Variants in RIC8B observed in about 807,000 individuals in gnomAD.
The protein encoded by RIC8B is chaperone Ric-8B.
A neutral mutation model predicts 57.5 loss-of-function variants in RIC8B; 16 were observed. That is an observed-to-expected ratio of 0.28 (90% CI 0.19 to 0.42). The LOEUF (loss-of-function observed/expected upper bound fraction) is 0.42, where lower values mean the gene tolerates loss of function less well. Among genes scored for constraint, RIC8B ranks in the 10% least tolerant of loss-of-function variants. The probability of loss-of-function intolerance (pLI) is 1.00; values close to 1 mark genes in which losing one functional copy is unlikely to be tolerated. For synonymous variants in RIC8B, 216 were observed against 250.8 expected (o/e 0.86, Z 1.31); for missense variants, 481 against 677.0 (o/e 0.71, Z 3.21).
At position 106,814,967 on chromosome 12, in the gene RIC8B, G is replaced by T; in HGVS notation, c.404G>T (p.Ser135Ile). Reference protein sequence around the residue: ...VFNSQMAQQLSLELNLAAKLC... With the variant: ...VFNSQMAQQLILELNLAAKLC... ...AACAGTCAGATGGCACAGCAGCTCA[G>T]CCTGGAACTTAATCTTGCTGCAAAG... Residue 135 changes from serine (S) to isoleucine (I), a missense_variant, in exon 3 of 10, where the codon AGC becomes ATC. By Grantham distance (142) the Ser-to-Ile change is moderately radical. Transcript: ENST00000392837. 1 of 1,614,214 alleles carries T rather than the reference G, an allele frequency of 6.2e-7. No individual in the cohort carries two copies. The highest frequency in any genetic ancestry group is 1.3e-5 in the African/African-American group (1 of 75,058).
At chr12:106,774,895 G>A (rs1179844637) in intron 1 of RIC8B, 66 bp downstream of exon 1, 1 of 1,201,994 alleles carries the variant, frequency 8.3e-7, no homozygotes, top group Non-Finnish European at 1.2e-6. Context: ...CTTGCACATC[G>A]CATCCTTCCC....
rs1338563513 is a variant in RIC8B at position 106,867,027 on chromosome 12, TTGAA to T, written c.1452-3790_1452-3787del. Among the ~76,000 whole-genome samples the T allele has an allele frequency of 6.6e-6, 1 of 152,196 alleles. No homozygotes were observed. Among genetic ancestry groups the T allele is most frequent in the Non-Finnish European group, 1.5e-5 (1 of 68,032 alleles). The stretch of plus-strand genomic sequence containing the variant: ...GAGTTCCTTTTTTAACCACAATGCT[TTGAA>T]TGAATTTAAGCCACACATTGTAGAT... On this transcript the variant is annotated intron_variant, in intron 8 of 9. Coordinates refer to ENST00000392837, the MANE Select transcript of RIC8B (RefSeq NM_001330145.2). The surrounding 1 kb of genome is among the most constrained non-coding windows in gnomAD (Gnocchi z 4.3).
intron 2 of RIC8B, among the ~76,000 whole-genome samples, chr12:106,805,691 A>G (rs1447170187): frequency 6.6e-6 from 1 of 152,172 alleles, no homozygotes; most frequent in Non-Finnish European, 1.5e-5. Context: ...ATCTAATGTC[A>G]TTATCCTGCT....
intron 4 of RIC8B, among the ~76,000 whole-genome samples, chr12:106,830,107 AG>A (rs2046293324): frequency 6.6e-6 from 1 of 152,216 alleles, no homozygotes; most frequent in South Asian, 2.1e-4. Context: ...GAAATGAGTA[AG>A]TGTGAGTTCT....
chr12:106,839,024 C>T (rs1047377389), intron 4 of RIC8B, among the ~76,000 whole-genome samples: 2 of 149,212 alleles, frequency 1.3e-5, no homozygotes, highest in Non-Finnish European at 3.0e-5. Flanking sequence ...AAAAGATAAT[C>T]GATGGTAAGG....
chr12:106,824,839 G>A (rs111385757), intron 3 of RIC8B, among the ~76,000 whole-genome samples: 19 of 150,634 alleles, frequency 1.3e-4, no homozygotes, highest in East Asian at 2.0e-4. Context: ...CCTGGAAGGC[G>A]GAGGTTGCGG....
intron 7 of RIC8B, among the ~76,000 whole-genome samples, chr12:106,856,235 T>C (rs967580773): frequency 6.6e-6 from 1 of 152,210 alleles, no homozygotes; most frequent in African/African-American, 2.4e-5. Flanking sequence ...TTTTCTTCAG[T>C]TTCTCTTCCA....
chr12:106,807,956 G>A (rs899662362), intron 2 of RIC8B, among the ~76,000 whole-genome samples: 14 of 151,882 alleles, frequency 9.2e-5, no homozygotes, highest in Admixed American at 9.2e-4. Flanking sequence ...GTGGTGGCAC[G>A]TGTCTGTAAT....
At chr12:106,822,077 C>CAAAAAAAA (rs67378158) in intron 3 of RIC8B, among the ~76,000 whole-genome samples, 9 of 38,040 alleles carry the variant, frequency 2.4e-4, no homozygotes, top group East Asian at 1.5e-3. Context: ...GACTCCATCT[C>CAAAAAAAA]AAAAAAAAAA....
chr12:106,813,732 TATATTG>T (rs1228586824), intron 2 of RIC8B, among the ~76,000 whole-genome samples: 1 of 152,178 alleles, frequency 6.6e-6, no homozygotes, highest in Non-Finnish European at 1.5e-5. Flanking sequence ...TGTAAAATCT[TATATTG>T]GTAATAGTAG....
At chr12:106,877,230 A>G (rs1239886137) in intron 9 of RIC8B, among the ~76,000 whole-genome samples, 1 of 152,182 alleles carries the variant, frequency 6.6e-6, no homozygotes, top group Non-Finnish European at 1.5e-5. Context: ...TGTGAATTAA[A>G]TAGCGTCAGG....
At chr12:106,788,499 C>T (rs548113801) in intron 2 of RIC8B, among the ~76,000 whole-genome samples, 20 of 152,336 alleles carry the variant, frequency 1.3e-4, no homozygotes, top group Admixed American at 3.9e-4. Context: ...ATGAGGGCCC[C>T]GCCCCTGCAG....
chr12:106,833,036 C>T lies in RIC8B; in HGVS notation c.836+7216C>T, dbSNP rs1566105223. Among the ~76,000 whole-genome samples, 6 of 152,072 alleles carry T rather than the reference C, an allele frequency of 3.9e-5. No individual in the cohort carries two copies. In the South Asian group the frequency reaches 1.2e-3, roughly 31 times the overall value. ...AAATCTTTTATCGGATCTTTGTCAC[C>T]TCAGAGATATGACCCTGTTTCTTCC... is the stretch of plus-strand genomic sequence containing the variant. On this transcript the variant is annotated intron_variant, in intron 4 of 9. Coordinates refer to ENST00000392837, the MANE Select transcript of RIC8B (RefSeq NM_001330145.2).
At chr12:106,881,701 A>C (rs2136670980) in intron 9 of RIC8B, among the ~76,000 whole-genome samples, 1 of 152,292 alleles carries the variant, frequency 6.6e-6, no homozygotes, top group African/African-American at 2.4e-5. Context: ...GAGACAGTCC[A>C]ATATAACCAG....
rs1354067783 is a variant in RIC8B at position 106,867,640 on chromosome 12, CTAT to C, written c.1452-3178_1452-3176del. Among the ~76,000 whole-genome samples, 11 of 152,090 alleles carry C rather than the reference CTAT, an allele frequency of 7.2e-5. No homozygotes were observed. Among genetic ancestry groups the C allele is most frequent in the African/African-American group, 2.2e-4 (9 of 41,408 alleles). The stretch of plus-strand genomic sequence containing the variant: ...TCTCACGTCTTTGTTGTCACAATGG[CTAT>C]TATTTGTTTTCTCTTCCTTTCTGGG... On this transcript the variant is annotated intron_variant, in intron 8 of 9. Coordinates refer to ENST00000392837, the MANE Select transcript of RIC8B (RefSeq NM_001330145.2). The surrounding 1 kb of genome is among the most constrained non-coding windows in gnomAD (Gnocchi z 4.3).
intron 3 of RIC8B, among the ~76,000 whole-genome samples, chr12:106,824,855 C>T (rs111480160): frequency 0.026 from 3,902 of 150,368 alleles, 130 homozygotes; most frequent in African/African-American, 0.073. Flanking sequence ...TGCGGTGAGC[C>T]GAGATCACAC....
At chr12:106,864,534 A>G (rs1163184752) in intron 8 of RIC8B, among the ~76,000 whole-genome samples, 1 of 152,186 alleles carries the variant, frequency 6.6e-6, no homozygotes, top group African/African-American at 2.4e-5. Flanking sequence ...CAATGAATCG[A>G]GTAATTTGTC....
intron 2 of RIC8B, among the ~76,000 whole-genome samples, chr12:106,798,699 T>C (rs936899215): frequency 2.0e-5 from 3 of 152,178 alleles, no homozygotes; most frequent in Non-Finnish European, 4.4e-5. Flanking sequence ...AGTTTACCCA[T>C]ATTTCTCTCT....
At chr12:106,852,990 A>G (rs990358469) in intron 7 of RIC8B, among the ~76,000 whole-genome samples, 1 of 152,214 alleles carries the variant, frequency 6.6e-6, no homozygotes, top group African/African-American at 2.4e-5. Flanking sequence ...ACATATGTGT[A>G]TCTATTCATT....
Sources: gnomAD v4.1 joint callset for allele counts (sites outside exome capture counted in the v4.1 genomes callset) on GRCh38, gnomAD v4.1.1 for gene constraint, Gnocchi (gnomAD v3.1) non-coding constraint, MANE v1.5 for transcripts, NCBI Gene and HGNC (gene_info 2026-07-23, HGNC 2026-07-21) for gene names.